Variants in CRAMP1 observed in about 807,000 individuals in gnomAD.
The protein encoded by CRAMP1 is cramped chromatin regulator 1.
Under a neutral mutation model 115.4 loss-of-function variants are expected in CRAMP1, and 50 were observed. The ratio of observed to expected loss-of-function variants is 0.43; its 90% confidence interval spans 0.35 to 0.55. The LOEUF (loss-of-function observed/expected upper bound fraction) is 0.55, where lower values mean the gene tolerates loss of function less well. Among genes scored for constraint, CRAMP1 ranks in the 20% least tolerant of loss-of-function variants. The pLI, the probability that CRAMP1 is intolerant of heterozygous loss-of-function variation, is 0.01. For synonymous variants in CRAMP1, 866 were observed against 745.4 expected (o/e 1.16, Z -2.64); for missense variants, 1,679 against 1,721.7 (o/e 0.98, Z 0.44).
At chr16:1,620,333 G>C (rs933002155) in intron 2 of CRAMP1, among the ~76,000 whole-genome samples, 1 of 152,184 alleles carries the variant, frequency 6.6e-6, no homozygotes, top group African/African-American at 2.4e-5. Flanking sequence ...GACGTTTCCC[G>C]GTGCTGGGGT....
intron 6 of CRAMP1, among the ~76,000 whole-genome samples, chr16:1,643,374 C>G (rs1023926504): frequency 6.6e-6 from 1 of 152,162 alleles, no homozygotes; most frequent in Non-Finnish European, 1.5e-5. Context: ...AACCCCGTCT[C>G]TGCTAAAAAT....
chr16:1,618,192 G>A (rs899503673), intron 2 of CRAMP1, among the ~76,000 whole-genome samples: 12 of 152,210 alleles, frequency 7.9e-5, no homozygotes, highest in African/African-American at 2.9e-4. Context: ...ACCTGCCTCA[G>A]AATCGCTTGA....
At chr16:1,655,416 G>T in intron 9 of CRAMP1, 116 bp downstream of exon 9, 1 of 824,010 alleles carries the variant, frequency 1.2e-6, no homozygotes, top group South Asian at 1.4e-5. Flanking sequence ...GAACAGCCAT[G>T]CTGTGACATG....
intron 2 of CRAMP1, among the ~76,000 whole-genome samples, chr16:1,621,271 C>T (rs1310811815): frequency 6.6e-6 from 1 of 152,202 alleles, no homozygotes; most frequent in African/African-American, 2.4e-5. Context: ...GGTGGTAGGG[C>T]CTGTCTGGAG....
At position 1,652,528 on chromosome 16, in the gene CRAMP1, TG is replaced by T; in HGVS notation, c.861del (p.Arg288GlyfsTer10). ...ACTGTACGTTACAAAGGGCGGAACCTGCGGATCAAAGCGCCCATGTGCCGGG... is the reference window on the plus strand; with the variant it reads ...ACTGTACGTTACAAAGGGCGGAACCTCGGATCAAAGCGCCCATGTGCCGGG... ...ATTVRYKGRN[L>X]RIKAPMCRAL... On this transcript the variant is annotated frameshift_variant, in exon 7 of 21. Coordinates refer to ENST00000397412, the MANE Select transcript of CRAMP1 (RefSeq NM_020825.4). LOFTEE classifies it high-confidence loss of function. 1 of 1,552,720 alleles carries T rather than the reference TG, an allele frequency of 6.4e-7. No individual in the cohort carries two copies. Among genetic ancestry groups the T allele is most frequent in the South Asian group, 1.2e-5 (1 of 84,118 alleles).
intron 3 of CRAMP1, among the ~76,000 whole-genome samples, chr16:1,631,021 G>T (rs1283567260): frequency 6.6e-6 from 1 of 152,210 alleles, no homozygotes; most frequent in East Asian, 1.9e-4. Context: ...TTGAGGCTGT[G>T]TAAATACCGT....
chr16:1,619,194 T>C (rs907260153), intron 2 of CRAMP1, among the ~76,000 whole-genome samples: 1 of 152,192 alleles, frequency 6.6e-6, no homozygotes, highest in South Asian at 2.1e-4. Context: ...TTTTGTTTTG[T>C]TTTTGAGACG....
chr16:1,631,966 C>T (rs2036550908), intron 3 of CRAMP1, among the ~76,000 whole-genome samples: 1 of 152,184 alleles, frequency 6.6e-6, no homozygotes. Flanking sequence ...GGGTGCTTGC[C>T]TCTTTGGTAT....
In CRAMP1 at chr16:1,666,022, A is replaced by G; in HGVS notation, c.2753-51A>G. On this transcript the variant is annotated intron_variant, in intron 14 of 20. Transcript: ENST00000397412. This position sits in a 1 kb window ranked among gnomAD's most constrained non-coding sequence, Gnocchi z 5.0. ...CCCCCTGCGGCCACATCCTGCTGTG[A>G]GGGCATGGCGGGCGGGCTCGACATG... 2 of 1,261,868 alleles carry G rather than the reference A, an allele frequency of 1.6e-6. No individual in the cohort carries two copies. Among genetic ancestry groups the G allele is most frequent in the Non-Finnish European group, 2.3e-6 (2 of 881,254 alleles). The allele number at this position is 1,261,868 out of a possible 1,614,324, so 78.2% of individuals were successfully genotyped here. A position where few individuals can be genotyped will look rare whatever the true frequency, so the allele number is the denominator to read the frequency against.
At chr16:1,632,147 C>A in intron 3 of CRAMP1, 65 bp from the exon 4 acceptor site, 1 of 1,485,118 alleles carries the variant, frequency 6.7e-7, no homozygotes. Context: ...TGGAAAGGGT[C>A]CAGTTAACAC....
chr16:1,624,039 T>G (rs1338437790), intron 2 of CRAMP1, among the ~76,000 whole-genome samples: 1 of 152,198 alleles, frequency 6.6e-6, no homozygotes, highest in African/African-American at 2.4e-5. Context: ...GTGCTGGACA[T>G]TCAGGTGCAG....
chr16:1,627,250 A>G (rs1268029792), intron 3 of CRAMP1, among the ~76,000 whole-genome samples: 1 of 151,966 alleles, frequency 6.6e-6, no homozygotes, highest in South Asian at 2.1e-4. Context: ...GGTTCAAGCA[A>G]TTCTCGTGCC....
Position 1,662,512 on chromosome 16 carries a change from C to G in CRAMP1, c.2436C>G (p.Pro812=), listed in dbSNP as rs909479165. ...CSSGLRNPPR[P]LLVPGPSSTG... ...CAGGTTTGAGAAACCCTCCAAGACCCCTCTTGGTGCCTGGTCCCTCCAGCA... is the reference window on the plus strand; with the variant it reads ...CAGGTTTGAGAAACCCTCCAAGACCGCTCTTGGTGCCTGGTCCCTCCAGCA... Residue 812 remains proline (P), a synonymous_variant, in exon 12 of 21, where the codon CCC becomes CCG. Coordinates refer to ENST00000397412, the MANE Select transcript of CRAMP1 (RefSeq NM_020825.4). 10 of 1,613,762 alleles carry G rather than the reference C, an allele frequency of 6.2e-6. No individual in the cohort carries two copies. In the African/African-American group the frequency reaches 8.0e-5, roughly 13 times the overall value.
intron 17 of CRAMP1, 37 bp downstream of exon 17, chr16:1,667,437 G>A: frequency 6.5e-7 from 1 of 1,550,258 alleles, no homozygotes; most frequent in Non-Finnish European, 8.9e-7. Flanking sequence ...CAAAGCAGCT[G>A]CCCCAGGACT....
Position 1,657,002 on chromosome 16 carries a change from T to C in CRAMP1, c.2235+10T>C. 6.7e-7 allele frequency: 1 copy of C among 1,502,922 alleles called. No homozygotes were observed. Among genetic ancestry groups the C allele is most frequent in the Non-Finnish European group, 8.9e-7 (1 of 1,125,676 alleles). The allele number at this position is 1,502,922 out of a possible 1,614,324, so 93.1% of individuals were successfully genotyped here. On this transcript the variant is annotated intron_variant, in intron 10 of 20. Transcript: ENST00000397412. The stretch of plus-strand genomic sequence containing the variant: ...GGTCAACCCCAAGCTGGTGAGTGGG[T>C]TGGAGCCCAGCCCCTCTGGCGGCCC...
chr16:1,651,566 C>T (rs1298245808), intron 6 of CRAMP1, among the ~76,000 whole-genome samples: 1 of 147,436 alleles, frequency 6.8e-6, no homozygotes, highest in Non-Finnish European at 1.5e-5. Context: ...GGATTGAGGT[C>T]ACACAGTTCA....
chr16:1,648,237 T>C (rs1028436719), intron 6 of CRAMP1, among the ~76,000 whole-genome samples: 4 of 152,226 alleles, frequency 2.6e-5, no homozygotes, highest in Non-Finnish European at 5.9e-5. Context: ...TACTGTTGTT[T>C]TGGGGCAGAT....
chr16:1,652,740 C>G (rs573502456), intron 7 of CRAMP1, among the ~76,000 whole-genome samples, 159 bp downstream of exon 7: 8 of 152,178 alleles, frequency 5.3e-5, no homozygotes, highest in African/African-American at 1.9e-4. Flanking sequence ...TTGAAATGCT[C>G]CCTACGACCA....
intron 4 of CRAMP1, among the ~76,000 whole-genome samples, chr16:1,637,039 T>A (rs113550398): frequency 5.9e-5 from 9 of 152,180 alleles, no homozygotes; most frequent in African/African-American, 2.2e-4. Context: ...ATGCCTGTAA[T>A]CCCAGCACTT....
Sources: gnomAD v4.1 joint callset for allele counts (sites outside exome capture counted in the v4.1 genomes callset) on GRCh38, gnomAD v4.1.1 for gene constraint, Gnocchi (gnomAD v3.1) non-coding constraint, MANE v1.5 for transcripts, NCBI Gene and HGNC (gene_info 2026-07-23, HGNC 2026-07-21) for gene names.